ARID2: variants seen among roughly 807,000 people sequenced by gnomAD.
ARID2 encodes the protein AT-rich interactive domain-containing protein 2.
In ARID2, 32 loss-of-function variants were observed where a neutral mutation model predicts 184.6. That is an observed-to-expected ratio of 0.17 (90% CI 0.13 to 0.23). ARID2 has a LOEUF of 0.23. Among genes scored for constraint, ARID2 ranks in the 10% least tolerant of loss-of-function variants. The pLI, the probability that ARID2 is intolerant of heterozygous loss-of-function variation, is 1.00. For missense variants in ARID2, 1,696 were observed against 2,197.6 expected, an observed-to-expected ratio of 0.77 and a Z score of 4.56; for synonymous variants, 836 against 772.6, an observed-to-expected ratio of 1.08 and a Z score of -1.36.
At chr12:45,811,125 C>T (rs563233542) in intron 3 of ARID2, among the ~76,000 whole-genome samples, 78 of 151,634 alleles carry the variant, frequency 5.1e-4, no homozygotes, top group African/African-American at 1.8e-3. Flanking sequence ...AGGAGAATGG[C>T]GTGATCCCTG....
intron 3 of ARID2, among the ~76,000 whole-genome samples, chr12:45,796,038 T>C (rs528392040): frequency 2.8e-4 from 42 of 152,262 alleles, no homozygotes; most frequent in African/African-American, 6.5e-4. Context: ...ACTAAGAAAA[T>C]AGAAACTGAC....
intron 3 of ARID2, among the ~76,000 whole-genome samples, chr12:45,787,002 G>A (rs1942206704): frequency 6.6e-6 from 1 of 152,130 alleles, no homozygotes; most frequent in South Asian, 2.1e-4. Flanking sequence ...TGGGGGAGAT[G>A]TCGGTCAAAG....
rs755189381 is a variant in ARID2, at chr12:45,730,084, C to A, written c.133C>A (p.Leu45Met). The A allele has an allele frequency of 6.2e-7, 1 of 1,613,598 alleles. No individual in the cohort carries two copies. Among genetic ancestry groups the A allele is most frequent in the East Asian group, 2.2e-5 (1 of 44,818 alleles). Residue 45 changes from leucine to methionine, a missense_variant, in exon 2 of 21, where the codon CTG (leucine) becomes ATG (methionine). Transcript: ENST00000334344. ...KKIPAVGGKE[L>M]DLHGLYTRVT... ...AATCCCTGCGGTGGGTGGGAAGGAG[C>A]TGGATCTTCACGGTCTCTACACCAG...
intron 6 of ARID2, among the ~76,000 whole-genome samples, chr12:45,829,388 A>G (rs975732569): frequency 1.3e-4 from 20 of 151,928 alleles, no homozygotes; most frequent in Admixed American, 7.2e-4. Flanking sequence ...TAAAAATGTT[A>G]TTTTTGTTTT....
chr12:45,848,974 G>A lies in ARID2; in HGVS notation c.1715+4G>A, dbSNP rs376761651. The A allele has an allele frequency of 1.9e-6, 3 of 1,607,796 alleles. No individual in the cohort carries two copies. The African/African-American group carries it at 4.0e-5, about 22-fold the overall frequency. On this transcript the variant is annotated splice_donor_region_variant and intron_variant, in intron 13 of 20. Coordinates refer to ENST00000334344, the MANE Select transcript of ARID2 (RefSeq NM_152641.4). ...CTGGATTTTATAAATGTCTTAGGTA[G>A]GATCCATAGTTCTTTAAATAAAGTC... is the stretch of plus-strand genomic sequence containing the variant.
chr12:45,757,404 G>A (rs1048867171), intron 3 of ARID2, among the ~76,000 whole-genome samples: 5 of 152,152 alleles, frequency 3.3e-5, no homozygotes, highest in African/African-American at 1.2e-4. Context: ...CCTAGCATAC[G>A]TATCACTCAC....
At chr12:45,898,691 G>A (rs569970645) in intron 20 of ARID2, among the ~76,000 whole-genome samples, 2 of 152,238 alleles carry the variant, frequency 1.3e-5, no homozygotes, top group Admixed American at 6.5e-5. Flanking sequence ...TGAGGCGGGC[G>A]GATCATCCGA....
chr12:45,860,298 A>T (rs890896329), intron 15 of ARID2, among the ~76,000 whole-genome samples: 1 of 152,232 alleles, frequency 6.6e-6, no homozygotes, highest in Admixed American at 6.5e-5. Context: ...AAATTAGTTA[A>T]TATCATATTT....
At chr12:45,830,277 T>C (rs1027267408) in intron 6 of ARID2, among the ~76,000 whole-genome samples, 1 of 152,100 alleles carries the variant, frequency 6.6e-6, no homozygotes, top group Non-Finnish European at 1.5e-5. Context: ...AGTTCATTCT[T>C]CCACTACTCT....
intron 4 of ARID2, among the ~76,000 whole-genome samples, 188 bp downstream of exon 4, chr12:45,811,739 T>G (rs1942712547): frequency 6.6e-6 from 1 of 152,206 alleles, no homozygotes; most frequent in Non-Finnish European, 1.5e-5. Context: ...TTGAGAATTT[T>G]AGTTGCAGGA....
chr12:45,810,323 A>G (rs540109959), intron 3 of ARID2, among the ~76,000 whole-genome samples: 18 of 152,298 alleles, frequency 1.2e-4, no homozygotes, highest in Non-Finnish European at 2.5e-4. Flanking sequence ...TAATATTAAG[A>G]TTGATTATAC....
chr12:45,796,319 T>C (rs948320911), intron 3 of ARID2, among the ~76,000 whole-genome samples: 1 of 152,134 alleles, frequency 6.6e-6, no homozygotes, highest in African/African-American at 2.4e-5. Context: ...ACCACTATTT[T>C]TACGGGCCAC....
chr12:45,797,407 A>G (rs1173879326), intron 3 of ARID2, among the ~76,000 whole-genome samples: 1 of 151,694 alleles, frequency 6.6e-6, no homozygotes, highest in Non-Finnish European at 1.5e-5. Flanking sequence ...GCTAATTTTT[A>G]TATTTTTAGT....
chr12:45,867,240 C>G (rs916281688), intron 16 of ARID2, among the ~76,000 whole-genome samples: 1 of 150,776 alleles, frequency 6.6e-6, no homozygotes, highest in Non-Finnish European at 1.5e-5. Context: ...TGAGCCACTG[C>G]ACCCAGCCTG....
intron 3 of ARID2, among the ~76,000 whole-genome samples, chr12:45,758,867 A>G (rs1278385228): frequency 1.3e-5 from 2 of 152,192 alleles, no homozygotes; most frequent in Non-Finnish European, 2.9e-5. Context: ...TTGTTACACA[A>G]GGGAGACTGG....
intron 10 of ARID2, among the ~76,000 whole-genome samples, chr12:45,838,990 C>G (rs926176735): frequency 6.6e-6 from 1 of 151,202 alleles, no homozygotes. Flanking sequence ...CTCAGCCTTC[C>G]GAGTAGCTGG....
intron 16 of ARID2, among the ~76,000 whole-genome samples, chr12:45,866,771 C>T (rs1461779897): frequency 1.3e-5 from 2 of 152,130 alleles, no homozygotes; most frequent in Non-Finnish European, 2.9e-5. Flanking sequence ...TAGCACTGCC[C>T]CACAAATATT....
intron 3 of ARID2, among the ~76,000 whole-genome samples, chr12:45,795,682 C>T (rs1045181308): frequency 5.4e-5 from 8 of 147,430 alleles, no homozygotes; most frequent in East Asian, 2.0e-4. Flanking sequence ...GTGATCCGCC[C>T]GCCTTGGCCT....
chr12:45,868,355 C>T (rs1202825860), intron 16 of ARID2, among the ~76,000 whole-genome samples: 2 of 152,130 alleles, frequency 1.3e-5, no homozygotes, highest in Non-Finnish European at 2.9e-5. Flanking sequence ...GCACGAGAAT[C>T]GCTTGAACCC....
Sources: gnomAD v4.1 joint callset for allele counts (sites outside exome capture counted in the v4.1 genomes callset) on GRCh38, gnomAD v4.1.1 for gene constraint, MANE v1.5 for transcripts, NCBI Gene and HGNC (gene_info 2026-07-23, HGNC 2026-07-21) for gene names.